CRIM1: variants seen among roughly 807,000 people sequenced by gnomAD.
The protein encoded by CRIM1 is cysteine-rich motor neuron 1 protein.
A neutral mutation model predicts 116.4 loss-of-function variants in CRIM1; 32 were observed. The observed-to-expected ratio is 0.27, with a 90% CI of 0.21 to 0.37. CRIM1 has a LOEUF of 0.37. Among genes scored for constraint, CRIM1 ranks in the 10% least tolerant of loss-of-function variants. The probability of loss-of-function intolerance (pLI) is 1.00; values close to 1 mark genes in which losing one functional copy is unlikely to be tolerated. For synonymous variants in CRIM1, 590 were observed against 509.2 expected (o/e 1.16, Z -2.13); for missense variants, 1,331 against 1,354.8 (o/e 0.98, Z 0.28).
At chr2:36,415,542 T>C (rs1444281496) in intron 2 of CRIM1, among the ~76,000 whole-genome samples, 1 of 152,228 alleles carries the variant, frequency 6.6e-6, no homozygotes, top group Admixed American at 6.5e-5. Flanking sequence ...CCCAATTTGT[T>C]TGGCTTCCCT....
chr2:36,512,081 G>T (rs1341587956), intron 9 of CRIM1, among the ~76,000 whole-genome samples, 192 bp from the exon 10 acceptor site: 4 of 152,218 alleles, frequency 2.6e-5, no homozygotes, highest in Non-Finnish European at 5.9e-5. Flanking sequence ...GCAACTCTCT[G>T]CCTTGGTCAT....
chr2:36,356,905 T>C lies in CRIM1; in HGVS notation c.331+282T>C, dbSNP rs1357920438. Among the ~76,000 whole-genome samples the C allele has an allele frequency of 1.3e-5, 2 of 152,042 alleles. No homozygotes were observed. Among genetic ancestry groups the C allele is most frequent in the Non-Finnish European group, 2.9e-5 (2 of 67,996 alleles). On this transcript the variant is annotated intron_variant, in intron 1 of 16. Transcript: ENST00000280527. The surrounding 1 kb of genome is among the most constrained non-coding windows in gnomAD (Gnocchi z 4.3). ...CGCAGACGCGCACACGTGTGGCCGT[T>C]CCTGCTGGGACTGGGTGGCCCGGCC...
Position 36,368,502 on chromosome 2 carries a change from G to T in CRIM1, c.331+11879G>T, listed in dbSNP as rs191591268. 3.4e-3 allele frequency among the ~76,000 whole-genome samples: 513 copies of T among 152,320 alleles called. 4 individuals are homozygous for T. The highest frequency in any genetic ancestry group is 5.5e-3 in the Non-Finnish European group (372 of 68,028). ...TGCGGCTCTAAAACTTAAAGTAATAGGCATTATTCGAAAGAAAATGATGCC... is the reference window on the plus strand; with the variant it reads ...TGCGGCTCTAAAACTTAAAGTAATATGCATTATTCGAAAGAAAATGATGCC... On this transcript the variant is annotated intron_variant, in intron 1 of 16. Transcript: ENST00000280527.
intron 13 of CRIM1, among the ~76,000 whole-genome samples, chr2:36,528,721 T>C (rs1665921268): frequency 6.6e-6 from 1 of 152,182 alleles, no homozygotes; most frequent in African/African-American, 2.4e-5. Flanking sequence ...AGAGGTGTGA[T>C]TTGAAAGAAG....
At chr2:36,451,490 C>T (rs1299455654) in intron 4 of CRIM1, among the ~76,000 whole-genome samples, 1 of 152,150 alleles carries the variant, frequency 6.6e-6, no homozygotes, top group Non-Finnish European at 1.5e-5. Flanking sequence ...TTTCTTATCC[C>T]TCCCTTCCCT....
Position 36,464,527 on chromosome 2 carries a change from G to T in CRIM1, c.870-7G>T. The T allele has an allele frequency of 1.9e-6, 3 of 1,613,832 alleles. No individual in the cohort carries two copies. The highest frequency in any genetic ancestry group is 2.5e-6 in the Non-Finnish European group (3 of 1,179,798). ...TGGGGTTTTCCTTCCCTTTTCTTTG[G>T]TTTCAGATGCGAGTGTCTCTCTGGC... On this transcript the variant is annotated splice_region_variant and splice_polypyrimidine_tract_variant and intron_variant, in intron 4 of 16. Transcript: ENST00000280527.
intron 1 of CRIM1, among the ~76,000 whole-genome samples, chr2:36,372,581 C>T (rs1670014873): frequency 6.6e-6 from 1 of 152,306 alleles, no homozygotes; most frequent in South Asian, 2.1e-4. Context: ...AAGACACATG[C>T]AGAATTCTCC....
At chr2:36,451,131 C>T (rs1676685647) in intron 4 of CRIM1, among the ~76,000 whole-genome samples, 1 of 152,204 alleles carries the variant, frequency 6.6e-6, no homozygotes, top group Non-Finnish European at 1.5e-5. Flanking sequence ...ATTACATACT[C>T]ATCGAGGACC....
At chr2:36,525,888 C>CAAGGA (rs1452283840) in intron 13 of CRIM1, among the ~76,000 whole-genome samples, 1 of 151,998 alleles carries the variant, frequency 6.6e-6, no homozygotes. Flanking sequence ...GTGATTCTAC[C>CAAGGA]AAAAATAGTT....
intron 4 of CRIM1, among the ~76,000 whole-genome samples, chr2:36,458,236 A>T (rs1558608100): frequency 1.3e-5 from 2 of 152,168 alleles, no homozygotes; most frequent in Non-Finnish European, 2.9e-5. Flanking sequence ...GAAGGAGCCT[A>T]CTATGGGGAA....
intron 2 of CRIM1, among the ~76,000 whole-genome samples, chr2:36,406,653 T>C (rs1189027210): frequency 1.2e-5 from 1 of 84,960 alleles, no homozygotes; most frequent in Admixed American, 1.3e-4. Flanking sequence ...CAAAAAAAGA[T>C]AACCTCTCAA....
intron 2 of CRIM1, among the ~76,000 whole-genome samples, chr2:36,403,970 A>C (rs988061476): frequency 6.6e-6 from 1 of 152,160 alleles, no homozygotes; most frequent in East Asian, 1.9e-4. Context: ...TTTTGAGTAC[A>C]TAAATGATGT....
rs144515869 is a variant in CRIM1 at position 36,547,492 on chromosome 2, T to C, written c.2934+321T>C. Reference sequence around the variant, plus strand: ...CCTAAATCATTGTTTATATTAGACATTAAAACGTGATCACCTGGCATTTCT... The same window carrying C: ...CCTAAATCATTGTTTATATTAGACACTAAAACGTGATCACCTGGCATTTCT... On this transcript the variant is annotated intron_variant, in intron 16 of 16. Coordinates refer to ENST00000280527, the MANE Select transcript of CRIM1 (RefSeq NM_016441.3). Among the ~76,000 whole-genome samples the C allele has an allele frequency of 7.1e-4, 108 of 152,250 alleles. No individual in the cohort carries two copies. The East Asian group carries it at 0.02, about 28-fold the overall frequency.
intron 1 of CRIM1, among the ~76,000 whole-genome samples, chr2:36,365,852 G>A (rs567921934): frequency 6.6e-6 from 1 of 151,524 alleles, no homozygotes; most frequent in South Asian, 2.1e-4. Flanking sequence ...TCCTGCCTCA[G>A]CCTCCTGAGT....
At chr2:36,533,138 T>C (rs1666227587) in intron 13 of CRIM1, among the ~76,000 whole-genome samples, 1 of 152,160 alleles carries the variant, frequency 6.6e-6, no homozygotes, top group African/African-American at 2.4e-5. Flanking sequence ...CCCAAAAGAC[T>C]ACAGTGACTA....
At chr2:36,374,037 C>G (rs865884410) in intron 1 of CRIM1, among the ~76,000 whole-genome samples, 2 of 152,154 alleles carry the variant, frequency 1.3e-5, no homozygotes, top group African/African-American at 2.4e-5. Context: ...GTCTCCTCTT[C>G]GGCAGTTCCT....
intron 4 of CRIM1, among the ~76,000 whole-genome samples, chr2:36,457,454 G>A (rs72787269): frequency 0.19 from 29,497 of 152,114 alleles, 3,203 homozygotes; most frequent in South Asian, 0.27. Context: ...GGGGAGGGAT[G>A]GCTGCGGGGG....
chr2:36,377,549 T>C (rs779359764), intron 1 of CRIM1, among the ~76,000 whole-genome samples: 1 of 152,204 alleles, frequency 6.6e-6, no homozygotes, highest in African/African-American at 2.4e-5. Context: ...CTCTGTAAAA[T>C]GGGAATAACA....
At position 36,430,149 on chromosome 2, in the gene CRIM1, G is replaced by A. The variant is rs554412745; in HGVS notation, c.506-11109G>A. On this transcript the variant is annotated intron_variant, in intron 2 of 16. Transcript: ENST00000280527. ...CTTAAATTGCTGGTATTTTGAAATA[G>A]AAAAAGGTGCTTATAAACCCATACT... 2.0e-5 allele frequency among the ~76,000 whole-genome samples: 3 copies of A among 152,240 alleles called. No individual in the cohort carries two copies. The East Asian group carries it at 5.8e-4, about 29-fold the overall frequency.
Sources: allele counts gnomAD v4.1 joint callset (sites outside exome capture counted in the v4.1 genomes callset), GRCh38; gene constraint gnomAD v4.1.1; non-coding constraint Gnocchi (gnomAD v3.1); transcripts MANE v1.5; gene names NCBI Gene and HGNC (gene_info 2026-07-23, HGNC 2026-07-21).